Variants in RPN2 observed in about 807,000 individuals in gnomAD.
RPN2 encodes the protein dolichyl-diphosphooligosaccharide--protein glycosyltransferase subunit 2.
A neutral mutation model predicts 71.4 loss-of-function variants in RPN2; 29 were observed. The observed-to-expected ratio is 0.41, with a 90% confidence interval of 0.30 to 0.55. RPN2 has a LOEUF of 0.55. Among genes scored for constraint, RPN2 ranks in the 20% least tolerant of loss-of-function variants. The probability of loss-of-function intolerance (pLI) is 0.35; values close to 1 mark genes in which losing one functional copy is unlikely to be tolerated. For synonymous variants in RPN2, 308 were observed against 305.0 expected (o/e 1.01, Z -0.10); for missense variants, 726 against 774.1 (o/e 0.94, Z 0.74).
intron 9 of RPN2, among the ~76,000 whole-genome samples, chr20:37,220,168 T>G (rs1321076218): frequency 6.6e-6 from 1 of 151,900 alleles, no homozygotes; most frequent in Non-Finnish European, 1.5e-5. Flanking sequence ...CTTATTACAT[T>G]AGAGGTGTGT....
chr20:37,183,730 G>C (rs1382140752), intron 1 of RPN2, among the ~76,000 whole-genome samples: 14 of 152,196 alleles, frequency 9.2e-5, no homozygotes, highest in Admixed American at 9.2e-4. Context: ...GCTGAATTCT[G>C]AAAGTAAAAA....
At chr20:37,194,114 G>A (rs1284911161) in intron 2 of RPN2, among the ~76,000 whole-genome samples, 2 of 152,148 alleles carry the variant, frequency 1.3e-5, no homozygotes, top group Admixed American at 6.5e-5. Flanking sequence ...CCTCTGCTTC[G>A]ACAATTTGGA....
intron 16 of RPN2, among the ~76,000 whole-genome samples, chr20:37,239,723 T>C (rs1163399011): frequency 6.6e-6 from 1 of 152,104 alleles, no homozygotes; most frequent in African/African-American, 2.4e-5. Context: ...AGTCAAGATA[T>C]AGGTATTGCC....
chr20:37,202,438 C>T (rs914891704), intron 4 of RPN2, among the ~76,000 whole-genome samples: 2 of 152,170 alleles, frequency 1.3e-5, no homozygotes, highest in African/African-American at 4.8e-5. Flanking sequence ...TCTTGCTCTA[C>T]ATTCCCTGAC....
At chr20:37,194,864 C>T (rs977788626) in intron 2 of RPN2, among the ~76,000 whole-genome samples, 4 of 152,154 alleles carry the variant, frequency 2.6e-5, no homozygotes, top group African/African-American at 9.7e-5. Context: ...GATGACAAAG[C>T]ACAGTCTGAG....
At chr20:37,238,496 G>C in intron 16 of RPN2, 1 of 1,372,606 alleles carries the variant, frequency 7.3e-7, no homozygotes, top group East Asian at 2.4e-5. Flanking sequence ...TCCCTTCCCC[G>C]TCTTGCCCGC....
intron 11 of RPN2, among the ~76,000 whole-genome samples, 185 bp from the exon 12 acceptor site, chr20:37,228,365 A>C (rs1328626886): frequency 6.6e-6 from 1 of 152,198 alleles, no homozygotes; most frequent in Non-Finnish European, 1.5e-5. Flanking sequence ...GCAAAAAGTT[A>C]TCTCTGAGCT....
chr20:37,198,674 A>G (rs2067311463), intron 3 of RPN2, among the ~76,000 whole-genome samples, 182 bp downstream of exon 3: 1 of 148,630 alleles, frequency 6.7e-6, no homozygotes, highest in Non-Finnish European at 1.5e-5. Flanking sequence ...CTAAGTTTTT[A>G]CTTTTCAAGG....
chr20:37,228,200 A>T (rs2068128701), intron 11 of RPN2, among the ~76,000 whole-genome samples: 1 of 152,198 alleles, frequency 6.6e-6, no homozygotes, highest in African/African-American at 2.4e-5. Flanking sequence ...CCTCTGGTGA[A>T]GCAGTTAATT....
At chr20:37,221,901 A>T (rs766789744) in intron 9 of RPN2, among the ~76,000 whole-genome samples, 5 of 152,202 alleles carry the variant, frequency 3.3e-5, no homozygotes, top group Non-Finnish European at 7.3e-5. Context: ...CACTTTGTAC[A>T]TCCATTAAAG....
At chr20:37,194,002 C>T (rs1290640605) in intron 2 of RPN2, among the ~76,000 whole-genome samples, 1 of 152,116 alleles carries the variant, frequency 6.6e-6, no homozygotes, top group Non-Finnish European at 1.5e-5. Context: ...GTAGGAGACC[C>T]AGCAGGGTGC....
At position 37,236,230 on chromosome 20, in the gene RPN2, C is replaced by T. The variant is rs1278540333; in HGVS notation, c.1754-350C>T. Among the ~76,000 whole-genome samples the T allele has an allele frequency of 2.0e-5, 3 of 152,194 alleles. No individual in the cohort carries two copies. The East Asian group carries it at 5.8e-4, about 30-fold the overall frequency. On this transcript the variant is annotated intron_variant, in intron 15 of 16. Transcript: ENST00000237530. The stretch of plus-strand genomic sequence containing the variant: ...ACCTCAGCCTCCTAAGTAGCTAGGA[C>T]TACAGACATGGACCATTACGCCTGA...
rs1290500900 is a variant in RPN2, at chr20:37,210,111, A to T, written c.932A>T (p.Lys311Ile). 1 of 1,614,130 alleles carries T rather than the reference A, an allele frequency of 6.2e-7. No individual in the cohort carries two copies. The highest frequency in any genetic ancestry group is 1.1e-5 in the South Asian group (1 of 91,076). The change falls in exon 8 of 17, where the codon AAA becomes ATA. Residue 311 changes from lysine to isoleucine, a missense_variant. Coordinates refer to ENST00000237530, the MANE Select transcript of RPN2 (RefSeq NM_002951.5). ...GCCACTGTTAAACTAGAACATGCTA[A>T]ATCTGTTGCTTCCAGAGCCACTGTC... ...TQATVKLEHA[K>I]SVASRATVLQ...
At chr20:37,224,722 A>T (rs2068039322) in intron 10 of RPN2, among the ~76,000 whole-genome samples, 1 of 152,190 alleles carries the variant, frequency 6.6e-6, no homozygotes, top group Non-Finnish European at 1.5e-5. Flanking sequence ...GGTATAGTCC[A>T]GACCCCAACT....
At chr20:37,239,417 C>T (rs1021995289) in intron 16 of RPN2, among the ~76,000 whole-genome samples, 1 of 152,156 alleles carries the variant, frequency 6.6e-6, no homozygotes, top group African/African-American at 2.4e-5. Flanking sequence ...TTATCCTTTG[C>T]CTTGGAAATG....
chr20:37,183,162 TAGA>T (rs1257664845), intron 1 of RPN2, among the ~76,000 whole-genome samples: 5 of 152,290 alleles, frequency 3.3e-5, no homozygotes, highest in Admixed American at 2.0e-4. Context: ...ATAATAGTAG[TAGA>T]AGTAGTAGCT....
intron 2 of RPN2, among the ~76,000 whole-genome samples, chr20:37,192,826 G>A (rs1306445265): frequency 1.3e-5 from 2 of 152,230 alleles, no homozygotes; most frequent in South Asian, 2.1e-4. Flanking sequence ...GGAAATCTCC[G>A]AATTTAAATC....
intron 6 of RPN2, 82 bp from the exon 7 acceptor site, chr20:37,207,191 A>C: frequency 5.4e-6 from 6 of 1,108,498 alleles, no homozygotes; most frequent in South Asian, 3.7e-5. Flanking sequence ...GAAACAGATA[A>C]GGGTGACTTT....
At chr20:37,212,574 A>G (rs2067700620) in intron 8 of RPN2, among the ~76,000 whole-genome samples, 1 of 151,060 alleles carries the variant, frequency 6.6e-6, no homozygotes, top group Non-Finnish European at 1.5e-5. Context: ...TCTGCTTCCC[A>G]GGTACAAGGA....
Sources: gnomAD v4.1 joint callset for allele counts (sites outside exome capture counted in the v4.1 genomes callset) on GRCh38, gnomAD v4.1.1 for gene constraint, MANE v1.5 for transcripts, NCBI Gene and HGNC (gene_info 2026-07-23, HGNC 2026-07-21) for gene names.